Variants in MYLK2 observed in about 807,000 individuals in gnomAD.
MYLK2 encodes the protein myosin light chain kinase 2, skeletal/cardiac muscle.
MYLK2 carries 27 observed loss-of-function variants against 58.2 expected under a neutral mutation model. The observed-to-expected ratio is 0.46, with a 90% confidence interval of 0.34 to 0.64. The LOEUF (loss-of-function observed/expected upper bound fraction) is 0.64, where lower values mean the gene tolerates loss of function less well. Ranked by LOEUF, MYLK2 falls within the 30% of genes least tolerant of loss-of-function variation. MYLK2 has a pLI of 0.01. For missense variants in MYLK2, 676 were observed against 764.3 expected, an observed-to-expected ratio of 0.88 and a Z score of 1.36; for synonymous variants, 310 against 296.7, an observed-to-expected ratio of 1.04 and a Z score of -0.46.
intron 12 of MYLK2, 130 bp downstream of exon 12, chr20:31,832,266 G>T: frequency 7.4e-7 from 1 of 1,353,396 alleles, no homozygotes; most frequent in South Asian, 1.3e-5. Context: ...CGGAAGACAG[G>T]GTTGACTTTT....
chr20:31,820,023 T>C (rs1487714636), intron 2 of MYLK2, 103 bp from the exon 3 acceptor site: 46 of 1,460,614 alleles, frequency 3.1e-5, no homozygotes, highest in Middle Eastern at 2.4e-4. Flanking sequence ...TTGCAAGTTG[T>C]TGCCTGGGTG....
At chr20:31,824,603 T>C in intron 6 of MYLK2, 6 of 974,926 alleles carry the variant, frequency 6.2e-6, no homozygotes, top group Non-Finnish European at 7.3e-6. Flanking sequence ...GGGATATTCA[T>C]GCCCTCTGGT....
chr20:31,826,482 A>G (rs2062280097), intron 6 of MYLK2, 123 bp from the exon 7 acceptor site: 1 of 1,335,306 alleles, frequency 7.5e-7, no homozygotes, highest in African/African-American at 1.4e-5. Flanking sequence ...GAGGAGAGGC[A>G]AGGAGGAGGC....
intron 4 of MYLK2, among the ~76,000 whole-genome samples, chr20:31,823,015 C>A (rs1271357623): frequency 1.3e-5 from 2 of 152,112 alleles, no homozygotes; most frequent in Non-Finnish European, 2.9e-5. Context: ...CAGCACGGTC[C>A]CCGGTCCCGC....
chr20:31,820,095 G>A (rs2062243734), intron 2 of MYLK2, 31 bp from the exon 3 acceptor site: 1 of 1,612,514 alleles, frequency 6.2e-7, no homozygotes, highest in Non-Finnish European at 8.5e-7. Context: ...AAGGAGGGTG[G>A]ATCCTGATGG....
intron 4 of MYLK2, among the ~76,000 whole-genome samples, chr20:31,822,715 G>C (rs571143295): frequency 1.3e-5 from 2 of 152,146 alleles, no homozygotes; most frequent in African/African-American, 4.8e-5. Context: ...GAGCGGCACC[G>C]TGCCACCCAG....
intron 6 of MYLK2, among the ~76,000 whole-genome samples, chr20:31,825,750 G>T (rs984469352): frequency 1.3e-5 from 2 of 152,194 alleles, no homozygotes; most frequent in Admixed American, 6.5e-5. Flanking sequence ...GTGAAACAAG[G>T]GTTAGTGTTT....
chr20:31,822,836 T>A, intron 4 of MYLK2, among the ~76,000 whole-genome samples: 1 of 152,058 alleles, frequency 6.6e-6, no homozygotes, highest in Non-Finnish European at 1.5e-5. Flanking sequence ...AGTGACAGGA[T>A]CTGAACCACC....
At chr20:31,833,520 C>G (rs2062317033) in intron 12 of MYLK2, among the ~76,000 whole-genome samples, 197 bp from the exon 13 acceptor site, 1 of 152,182 alleles carries the variant, frequency 6.6e-6, no homozygotes, top group Admixed American at 6.5e-5. Context: ...TGGTTCAGGT[C>G]TGGCTGACCT....
chr20:31,827,882 CTTTTTTTTT>C (rs10646259), intron 8 of MYLK2, among the ~76,000 whole-genome samples: 2 of 94,842 alleles, frequency 2.1e-5, no homozygotes, highest in Admixed American at 1.2e-4. Context: ...AGCAGATCTG[CTTTTTTTTT>C]TTTTTTTTTT....
At position 31,826,824 on chromosome 20, in the gene MYLK2, G is replaced by A; in HGVS notation, c.1110G>A (p.Arg370=). The change falls in exon 8 of 13, where the codon AGG becomes AGA. Residue 370 remains arginine (R), a synonymous_variant. Transcript: ENST00000375985. ...EYIEGGELFE[R]IVDEDYHLTE... ...TCGAGGGCGGAGAGCTCTTCGAGAG[G>A]ATTGTGGATGAGGACTACCATCTGA... 6.2e-7 allele frequency: 1 copy of A among 1,614,154 alleles called. No homozygotes were observed. The highest frequency in any genetic ancestry group is 1.1e-5 in the South Asian group (1 of 91,080).
rs779506369 is a variant in MYLK2, at chr20:31,821,445, G to C, written c.480G>C (p.Glu160Asp). The C allele has an allele frequency of 1.2e-6, 2 of 1,613,438 alleles. No individual in the cohort carries two copies. Among genetic ancestry groups the C allele is most frequent in the Non-Finnish European group, 1.7e-6 (2 of 1,180,038 alleles). The change falls in exon 4 of 13, where the codon GAG (glutamate) becomes GAC (aspartate). Residue 160 changes from glutamate (E) to aspartate (D), a missense_variant. By Grantham distance (45) the Glu-to-Asp change is conservative. This residue lies in a region of MYLK2 where 306 missense variants were observed against 296.5 expected (regional missense o/e 1.03). Coordinates refer to ENST00000375985, the MANE Select transcript of MYLK2 (RefSeq NM_033118.4). ...PSCPAIISSS[E>D]KLLAKKPPSE... ...CTGTGTTCTCACCTTCTAGTTCTGAGAAGCTGCTGGCCAAGAAGCCCCCAA... is the reference window on the plus strand; with the variant it reads ...CTGTGTTCTCACCTTCTAGTTCTGACAAGCTGCTGGCCAAGAAGCCCCCAA...
chr20:31,826,537 G>A (rs1169761820), intron 6 of MYLK2, 68 bp from the exon 7 acceptor site: 46 of 1,603,186 alleles, frequency 2.9e-5, no homozygotes, highest in Non-Finnish European at 3.3e-5. Flanking sequence ...TCAAGGGTGC[G>A]GGTATGGAGG....
At chr20:31,831,945 T>G in intron 11 of MYLK2, 59 bp from the exon 12 acceptor site, 2 of 1,613,080 alleles carry the variant, frequency 1.2e-6, no homozygotes, top group Non-Finnish European at 1.7e-6. Context: ...AGAGGCCAGC[T>G]GAGCCCCTGG....
intron 8 of MYLK2, 66 bp from the exon 9 acceptor site, chr20:31,830,753 G>A (rs928114836): frequency 4.1e-5 from 63 of 1,546,450 alleles, no homozygotes; most frequent in Admixed American, 3.3e-5. Context: ...GGGTTTGCAC[G>A]GGCCTGGTGG....
In MYLK2 at chr20:31,831,615, T is replaced by C. The variant is rs2062306697; in HGVS notation, c.1425-88T>C. 4 of 1,483,102 alleles carry C rather than the reference T, an allele frequency of 2.7e-6. No individual in the cohort carries two copies. In the East Asian group the frequency reaches 9.0e-5, roughly 34 times the overall value. 91.9% of individuals were successfully genotyped at this position (1,483,102 alleles called of 1,614,324 possible). A position where few individuals can be genotyped will look rare whatever the true frequency, so the allele number is the denominator to read the frequency against. On this transcript the variant is annotated intron_variant, in intron 10 of 12. Coordinates refer to ENST00000375985, the MANE Select transcript of MYLK2 (RefSeq NM_033118.4). Reference sequence around the variant, plus strand: ...CTTTTCAGCACACGGTGCTGCCTCCTAGGATCTGCCCCTGTTCCCTACCCC... The same window carrying C: ...CTTTTCAGCACACGGTGCTGCCTCCCAGGATCTGCCCCTGTTCCCTACCCC...
At chr20:31,830,981 G>T (rs377329726) in intron 9 of MYLK2, 32 bp from the exon 10 acceptor site, 9 of 1,614,054 alleles carry the variant, frequency 5.6e-6, no homozygotes, top group Admixed American at 3.3e-5. Context: ...TAGGCCAGGA[G>T]CTGTGCTCTC....
chr20:31,822,548 G>C (rs909483018), intron 4 of MYLK2, among the ~76,000 whole-genome samples: 2 of 152,256 alleles, frequency 1.3e-5, no homozygotes, highest in Middle Eastern at 3.4e-3. Context: ...CACTGAGTGT[G>C]AGTGAGCTTG....
chr20:31,833,944 C>A lies in MYLK2; in HGVS notation c.*147C>A. 1.4e-6 allele frequency: 1 copy of A among 719,570 alleles called. No homozygotes were observed. Among genetic ancestry groups the A allele is most frequent in the Non-Finnish European group, 2.4e-6 (1 of 424,688 alleles). The allele number at this position is 719,570 out of a possible 1,614,324, so 44.6% of individuals were successfully genotyped here. A position where few individuals can be genotyped will look rare whatever the true frequency, so the allele number is the denominator to read the frequency against. On this transcript the variant is annotated 3_prime_UTR_variant, in exon 13 of 13. Transcript: ENST00000375985. ...CCAGGCTGGGAGGCTCGGGGCTCCCCACGCCCCCATGCAGTGACCGCTTCC... is the reference window on the plus strand; with the variant it reads ...CCAGGCTGGGAGGCTCGGGGCTCCCAACGCCCCCATGCAGTGACCGCTTCC...
Sources: gnomAD v4.1 joint callset for allele counts (sites outside exome capture counted in the v4.1 genomes callset) on GRCh38, gnomAD v4.1.1 for gene constraint, gnomAD v4.1.1 regional missense constraint, MANE v1.5 for transcripts, NCBI Gene and HGNC (gene_info 2026-07-23, HGNC 2026-07-21) for gene names.